Variants in EPB41L3 observed in about 807,000 individuals in gnomAD.
The protein encoded by EPB41L3 is erythrocyte membrane protein band 4.1 like 3.
Under a neutral mutation model 127.1 loss-of-function variants are expected in EPB41L3, and 57 were observed. The ratio of observed to expected loss-of-function variants is 0.45; its 90% CI spans 0.36 to 0.56. The LOEUF (loss-of-function observed/expected upper bound fraction) is 0.56. EPB41L3 is among the 20% of genes least tolerant of loss of function. The probability of loss-of-function intolerance (pLI) is 0.00; values close to 1 mark genes in which losing one functional copy is unlikely to be tolerated. For missense variants in EPB41L3, 1,273 were observed against 1,372.2 expected, an observed-to-expected ratio of 0.93 and a Z score of 1.14; for synonymous variants, 572 against 549.5, an observed-to-expected ratio of 1.04 and a Z score of -0.57.
chr18:5,461,005 C>A (rs181572343), intron 3 of EPB41L3, among the ~76,000 whole-genome samples: 21 of 152,208 alleles, frequency 1.4e-4, no homozygotes, highest in Admixed American at 5.2e-4. Context: ...TATTACATTT[C>A]CAGTTCTGGT....
rs1323652345 is a variant in EPB41L3 at position 5,560,392 on chromosome 18, CT to C, written c.-306+51947del. Among the ~76,000 whole-genome samples, 3 of 152,228 alleles carry C rather than the reference CT, an allele frequency of 2.0e-5. No individual in the cohort carries two copies. In the East Asian group the frequency reaches 5.8e-4, roughly 29 times the overall value. On this transcript the variant is annotated intron_variant, in intron 3 of 21. Coordinates refer to the EPB41L3 transcript ENST00000545076. ...CATAAAGTTTTTTTTTAAGAACAAG[CT>C]TCCTCAGAGATACATAAAGTCTAAA... is the stretch of plus-strand genomic sequence containing the variant.
At chr18:5,396,553 A>G (rs1181235649) in intron 18 of EPB41L3, among the ~76,000 whole-genome samples, 1 of 152,176 alleles carries the variant, frequency 6.6e-6, no homozygotes, top group Non-Finnish European at 1.5e-5. Context: ...AAACATTTTG[A>G]AGGCAATAAA....
chr18:5,400,810 T>C, intron 16 of EPB41L3: 1 of 588,288 alleles, frequency 1.7e-6, no homozygotes. Flanking sequence ...TTAAGAAAAT[T>C]CAATTTTCCC....
At chr18:5,510,546 G>C (rs2092459234) in intron 1 of EPB41L3, among the ~76,000 whole-genome samples, 1 of 152,238 alleles carries the variant, frequency 6.6e-6, no homozygotes, top group Non-Finnish European at 1.5e-5. Flanking sequence ...CAGTAGTTCA[G>C]CAGTGAAGGT....
At chr18:5,592,252 C>T (rs1031215340) in intron 3 of EPB41L3, among the ~76,000 whole-genome samples, 6 of 152,242 alleles carry the variant, frequency 3.9e-5, no homozygotes, top group Admixed American at 3.3e-4. Flanking sequence ...CTGCAACCTC[C>T]ACCTCGCGGG....
At chr18:5,606,308 G>C (rs1187757888) in intron 3 of EPB41L3, among the ~76,000 whole-genome samples, 1 of 152,154 alleles carries the variant, frequency 6.6e-6, no homozygotes, top group Admixed American at 6.5e-5. Flanking sequence ...ATGAGCATGT[G>C]AGTAATGACA....
intron 3 of EPB41L3, among the ~76,000 whole-genome samples, chr18:5,465,274 C>T (rs2084753523): frequency 1.3e-5 from 2 of 152,218 alleles, no homozygotes; most frequent in African/African-American, 4.8e-5. Flanking sequence ...TTGTTCAGCA[C>T]TTCCAGAACT....
intron 1 of EPB41L3, among the ~76,000 whole-genome samples, chr18:5,511,059 A>G (rs1378211179): frequency 1.3e-5 from 2 of 152,116 alleles, no homozygotes; most frequent in Non-Finnish European, 1.5e-5. Flanking sequence ...GTATTCCAGA[A>G]ACTCTGGAAT....
chr18:5,517,396 T>C (rs1428688122), intron 1 of EPB41L3, among the ~76,000 whole-genome samples: 2 of 152,136 alleles, frequency 1.3e-5, no homozygotes, highest in African/African-American at 2.4e-5. Flanking sequence ...CAAATATGTA[T>C]ACAACCCCTC....
chr18:5,394,539 T>C, intron 22 of EPB41L3, 138 bp downstream of exon 22: 2 of 641,504 alleles, frequency 3.1e-6, no homozygotes, highest in Non-Finnish European at 5.4e-6. Flanking sequence ...AAACCAATTC[T>C]CCATCCTCTT....
At chr18:5,494,065 T>C (rs1048068892) in intron 1 of EPB41L3, among the ~76,000 whole-genome samples, 1 of 152,198 alleles carries the variant, frequency 6.6e-6, no homozygotes, top group East Asian at 1.9e-4. Context: ...AATTCCAAAT[T>C]TTGTGACCTC....
chr18:5,620,156 T>C (rs1420144091), intron 1 of EPB41L3, among the ~76,000 whole-genome samples: 6 of 152,164 alleles, frequency 3.9e-5, no homozygotes, highest in Non-Finnish European at 8.8e-5. Flanking sequence ...TTTTAATCTA[T>C]GACAATGCTT....
At chr18:5,421,804 T>A (rs941416355) in intron 11 of EPB41L3, among the ~76,000 whole-genome samples, 20 of 152,078 alleles carry the variant, frequency 1.3e-4, no homozygotes, top group African/African-American at 4.3e-4. Flanking sequence ...TAATGGACAC[T>A]GGAGACTCAG....
chr18:5,395,558 TC>T, intron 20 of EPB41L3, 50 bp downstream of exon 20: 1 of 1,554,182 alleles, frequency 6.4e-7, no homozygotes, highest in Non-Finnish European at 8.9e-7. Context: ...ACAAGCACCT[TC>T]CTCCAGCTCG....
chr18:5,553,663 A>G (rs2093995129), intron 3 of EPB41L3, among the ~76,000 whole-genome samples: 1 of 152,228 alleles, frequency 6.6e-6, no homozygotes, highest in African/African-American at 2.4e-5. Flanking sequence ...CTCTACCTTC[A>G]GGACATACCC....
intron 3 of EPB41L3, chr18:5,570,301 G>C (rs1407070082): frequency 6.6e-6 from 1 of 152,178 alleles, no homozygotes; most frequent in African/African-American, 2.4e-5. Context: ...AGGACATGCT[G>C]TAACACAAGG....
At chr18:5,527,853 CT>C (rs2093282281) in intron 1 of EPB41L3, among the ~76,000 whole-genome samples, 1 of 152,158 alleles carries the variant, frequency 6.6e-6, no homozygotes, top group Non-Finnish European at 1.5e-5. Context: ...AGCCACAAAC[CT>C]TGCATAAAGC....
intron 3 of EPB41L3, among the ~76,000 whole-genome samples, chr18:5,594,091 T>C (rs537717656): frequency 3.3e-5 from 5 of 152,288 alleles, no homozygotes; most frequent in Admixed American, 3.3e-4. Flanking sequence ...AAGACAGGCA[T>C]AGGAAATCAC....
chr18:5,504,708 T>C (rs1202674263), intron 1 of EPB41L3, among the ~76,000 whole-genome samples: 1 of 152,204 alleles, frequency 6.6e-6, no homozygotes, highest in African/African-American at 2.4e-5. Flanking sequence ...AAGCTATTTC[T>C]TTCTAAGAAA....
Sources: allele counts gnomAD v4.1 joint callset (sites outside exome capture counted in the v4.1 genomes callset), GRCh38; gene constraint gnomAD v4.1.1; transcripts MANE v1.5; gene names NCBI Gene and HGNC (gene_info 2026-07-23, HGNC 2026-07-21).